Variants in PPIL1 observed in about 807,000 individuals in gnomAD.
The protein encoded by PPIL1 is peptidyl-prolyl cis-trans isomerase-like 1.
A neutral mutation model predicts 19.4 loss-of-function variants in PPIL1; 14 were observed. That is an observed-to-expected ratio of 0.72 (90% CI 0.48 to 1.13). PPIL1 has a LOEUF of 1.13. PPIL1 is among the 50% of genes most tolerant of loss of function. The pLI, the probability that PPIL1 is intolerant of heterozygous loss-of-function variation, is 0.00. For synonymous variants in PPIL1, 72 were observed against 73.6 expected (o/e 0.98, Z 0.11); for missense variants, 192 against 218.0 (o/e 0.88, Z 0.75).
At position 36,864,495 on chromosome 6, in the gene PPIL1, G is replaced by C. The variant is rs185119425; in HGVS notation, c.211+7223C>G. ...ATGGATCACCACTTCATTTCATTCA[G>C]AACTATGGTCAAATGCTCTCAGAGA... On this transcript the variant is annotated intron_variant, in intron 2 of 3. Coordinates refer to ENST00000373699, the MANE Select transcript of PPIL1 (RefSeq NM_016059.5). Among the ~76,000 whole-genome samples, 11 of 152,204 alleles carry C rather than the reference G, an allele frequency of 7.2e-5. No individual in the cohort carries two copies. The East Asian group carries it at 2.1e-3, about 29-fold the overall frequency.
intron 2 of PPIL1, among the ~76,000 whole-genome samples, chr6:36,871,387 C>T (rs762046271): frequency 5.3e-5 from 8 of 152,294 alleles, no homozygotes; most frequent in African/African-American, 1.9e-4. Context: ...ATTATAAAGT[C>T]TTTCCTTCTT....
intron 2 of PPIL1, among the ~76,000 whole-genome samples, chr6:36,857,859 A>G (rs1367103461): frequency 1.3e-5 from 2 of 152,186 alleles, no homozygotes; most frequent in Non-Finnish European, 2.9e-5. Context: ...ACCAAATGTT[A>G]TTTATATTAT....
Position 36,872,631 on chromosome 6 carries a change from A to G in PPIL1, c.57-759T>C, listed in dbSNP as rs144188319. On this transcript the variant is annotated intron_variant, in intron 1 of 3. Transcript: ENST00000373699. ...TGTGACAATTTTTTTTTTTTTGAGA[A>G]AGGGTCTCCTCTGTCACCCAGGTTA... 3.5e-3 allele frequency among the ~76,000 whole-genome samples: 527 copies of G among 151,994 alleles called. 2 individuals are homozygous for G. The highest frequency in any genetic ancestry group is 0.012 in the African/African-American group (491 of 41,478).
At chr6:36,856,119 A>AGCAGCCAG in intron 3 of PPIL1, 86 bp from the exon 4 acceptor site, 4 of 1,416,268 alleles carry the variant, frequency 2.8e-6, no homozygotes, top group Non-Finnish European at 3.8e-6. Context: ...GGGATGAAAA[A>AGCAGCCAG]GCAGCCAGGA....
At chr6:36,856,485 G>T in intron 3 of PPIL1, 101 bp downstream of exon 3, 3 of 1,075,934 alleles carry the variant, frequency 2.8e-6, no homozygotes, top group Non-Finnish European at 2.8e-6. Context: ...CAGCTATCTG[G>T]CACCATGCCA....
intron 2 of PPIL1, among the ~76,000 whole-genome samples, chr6:36,859,396 G>A (rs1174000326): frequency 4.5e-5 from 6 of 131,966 alleles, no homozygotes; most frequent in Non-Finnish European, 9.2e-5. Flanking sequence ...CTGCACTGCA[G>A]CCCAGGCAAC....
At chr6:36,867,754 C>T (rs1774423153) in intron 2 of PPIL1, among the ~76,000 whole-genome samples, 1 of 152,226 alleles carries the variant, frequency 6.6e-6, no homozygotes, top group African/African-American at 2.4e-5. Flanking sequence ...GGCTAGCCCT[C>T]CCACAAGGGG....
intron 2 of PPIL1, among the ~76,000 whole-genome samples, chr6:36,870,613 T>G (rs1210303803): frequency 2.0e-5 from 3 of 151,958 alleles, no homozygotes; most frequent in African/African-American, 7.3e-5. Context: ...GCAGCTAGAG[T>G]GATCCTTTTA....
At position 36,871,835 on chromosome 6, in the gene PPIL1, C is replaced by A; in HGVS notation, c.94G>T (p.Ala32Ser). The change falls in exon 2 of 4, where the codon GCT becomes TCT. Residue 32 changes from alanine (A) to serine (S), a missense_variant. Physicochemically the swap from Ala to Ser is moderately conservative, Grantham distance 99 (BLOSUM62 1). Transcript: ENST00000373699. The part of the protein sequence containing the change: ...IIVLELYWKH[A>S]PKTCKNFAEL... The stretch of plus-strand genomic sequence containing the variant: ...GCAAAGTTCTTACAGGTCTTTGGAG[C>A]ATGCTTCCAGTACAGCTCCAGCACA... 3 of 1,610,436 alleles carry A rather than the reference C, an allele frequency of 1.9e-6. No individual in the cohort carries two copies. Among genetic ancestry groups the A allele is most frequent in the Non-Finnish European group, 2.5e-6 (3 of 1,178,810 alleles).
At chr6:36,861,941 C>T (rs1774299310) in intron 2 of PPIL1, among the ~76,000 whole-genome samples, 1 of 152,182 alleles carries the variant, frequency 6.6e-6, no homozygotes, top group Non-Finnish European at 1.5e-5. Flanking sequence ...GGTGATCTGC[C>T]TACCTCGGCT....
intron 1 of PPIL1, 96 bp from the exon 2 acceptor site, chr6:36,871,968 G>T: frequency 1.7e-6 from 2 of 1,168,150 alleles, no homozygotes; most frequent in Non-Finnish European, 2.3e-6. Flanking sequence ...TTTCAAGCTT[G>T]TAAGTCATGA....
intron 2 of PPIL1, among the ~76,000 whole-genome samples, chr6:36,859,844 T>TGTG (rs1554132501): frequency 2.0e-5 from 3 of 150,268 alleles, no homozygotes; most frequent in African/African-American, 4.9e-5. Context: ...TGTGTGTGTG[T>TGTG]TTTGAGACAG....
intron 2 of PPIL1, among the ~76,000 whole-genome samples, chr6:36,865,755 T>G (rs1774382541): frequency 6.6e-6 from 1 of 152,212 alleles, no homozygotes; most frequent in Admixed American, 6.5e-5. Context: ...CCCATTCTAG[T>G]TGTTTCTTAT....
rs140671673 is a variant in PPIL1, at chr6:36,868,519, C to T, written c.211+3199G>A. Among the ~76,000 whole-genome samples the T allele has an allele frequency of 6.0e-4, 91 of 152,244 alleles. 3 individuals carry two copies. In the East Asian group the frequency reaches 0.016, roughly 26 times the overall value. ...GTAAAGGAAGGAGTAAATCTGGCCT[C>T]AGTATTCTCCAAAACCATATTCAAA... On this transcript the variant is annotated intron_variant, in intron 2 of 3. Transcript: ENST00000373699.
chr6:36,873,910 G>A (rs140553187), intron 1 of PPIL1, among the ~76,000 whole-genome samples: 11 of 152,312 alleles, frequency 7.2e-5, no homozygotes, highest in East Asian at 5.8e-4. Flanking sequence ...TGTTATAGCA[G>A]CAAGACGTTA....
At chr6:36,863,348 C>T (rs747759296) in intron 2 of PPIL1, among the ~76,000 whole-genome samples, 4 of 152,098 alleles carry the variant, frequency 2.6e-5, no homozygotes, top group Admixed American at 6.5e-5. Flanking sequence ...CTTTCACATG[C>T]TCTCACCACC....
chr6:36,864,670 G>C (rs1179059438), intron 2 of PPIL1, among the ~76,000 whole-genome samples: 5 of 152,158 alleles, frequency 3.3e-5, no homozygotes, highest in Non-Finnish European at 7.3e-5. Context: ...TCAGTATCAA[G>C]CAGTTAGAAG....
Position 36,871,865 on chromosome 6 carries a change from T to G in PPIL1, c.64A>C (p.Ile22Leu), listed in dbSNP as rs1229204801. The G allele has an allele frequency of 6.3e-7, 1 of 1,583,938 alleles. No homozygotes were observed. Among genetic ancestry groups the G allele is most frequent in the Non-Finnish European group, 8.5e-7 (1 of 1,169,716 alleles). ...TTCCAGTACAGCTCCAGCACAATGA[T>G]TCCCATGCTGCAGAGGGAGAGGACA... ...PNVYLETSMG[I>L]IVLELYWKHA... Residue 22 changes from isoleucine (I) to leucine (L), a missense_variant, in exon 2 of 4, where the codon ATC becomes CTC. Transcript: ENST00000373699.
At chr6:36,873,427 A>G (rs1774560302) in intron 1 of PPIL1, among the ~76,000 whole-genome samples, 2 of 152,362 alleles carry the variant, frequency 1.3e-5, no homozygotes, top group South Asian at 4.1e-4. Context: ...AAAAACATAC[A>G]TACAGTATGA....
Sources: allele counts gnomAD v4.1 joint callset (sites outside exome capture counted in the v4.1 genomes callset), GRCh38; gene constraint gnomAD v4.1.1; transcripts MANE v1.5; gene names NCBI Gene and HGNC (gene_info 2026-07-23, HGNC 2026-07-21).